SUPT3H: variants seen among roughly 807,000 people sequenced by gnomAD.
SUPT3H encodes SPT3 homolog, SAGA and STAGA complex component.
SUPT3H carries 44 observed loss-of-function variants against 44.3 expected under a neutral mutation model. The observed-to-expected ratio is 0.99, with a 90% CI of 0.78 to 1.28. The LOEUF (loss-of-function observed/expected upper bound fraction) is 1.28, where lower values mean the gene tolerates loss of function less well. Ranked by LOEUF, SUPT3H falls within the 50% of genes most tolerant of loss-of-function variation. The pLI is 0.00. For synonymous variants in SUPT3H, 124 were observed against 125.6 expected (o/e 0.99, Z 0.09); for missense variants, 380 against 387.1 (o/e 0.98, Z 0.15).
intron 3 of SUPT3H, among the ~76,000 whole-genome samples, chr6:45,046,897 T>A (rs1158464052): frequency 1.3e-5 from 2 of 152,172 alleles, no homozygotes; most frequent in African/African-American, 4.8e-5. Flanking sequence ...CTTCTTAAAC[T>A]TCATTTAGCA....
chr6:45,236,231 G>A (rs78113436), intron 2 of SUPT3H, among the ~76,000 whole-genome samples: 54 of 152,130 alleles, frequency 3.5e-4, no homozygotes, highest in South Asian at 2.3e-3. Flanking sequence ...AGCTGGTCTC[G>A]GCAAGTGGAA....
intron 6 of SUPT3H, among the ~76,000 whole-genome samples, chr6:44,962,409 G>C (rs1325610800): frequency 6.6e-6 from 1 of 152,140 alleles, no homozygotes; most frequent in Non-Finnish European, 1.5e-5. Context: ...GATGTTTACT[G>C]CTTCACTGTC....
intron 2 of SUPT3H, among the ~76,000 whole-genome samples, chr6:45,261,299 T>C (rs1584548338): frequency 6.6e-6 from 1 of 152,192 alleles, no homozygotes. Flanking sequence ...ATATCCCTGA[T>C]GAACAGAGAT....
intron 1 of SUPT3H, among the ~76,000 whole-genome samples, chr6:45,367,877 C>A (rs1271981836): frequency 6.6e-6 from 1 of 152,102 alleles, no homozygotes; most frequent in Non-Finnish European, 1.5e-5. Flanking sequence ...TAACATTTTT[C>A]TTGACATGAT....
chr6:44,973,234 T>A (rs1777848201), intron 6 of SUPT3H, among the ~76,000 whole-genome samples: 1 of 152,184 alleles, frequency 6.6e-6, no homozygotes, highest in Admixed American at 6.5e-5. Flanking sequence ...AAAAATTTCT[T>A]CTGCTATATA....
At chr6:45,083,543 A>G (rs1352116296) in intron 3 of SUPT3H, among the ~76,000 whole-genome samples, 1 of 151,976 alleles carries the variant, frequency 6.6e-6, no homozygotes. Flanking sequence ...TACAGATTCA[A>G]TGTTATTCCT....
At chr6:45,281,297 G>A (rs779240579) in intron 2 of SUPT3H, among the ~76,000 whole-genome samples, 6 of 152,342 alleles carry the variant, frequency 3.9e-5, no homozygotes, top group East Asian at 1.9e-4. Flanking sequence ...GCAAGGCATC[G>A]CATCACCCGC....
intron 2 of SUPT3H, among the ~76,000 whole-genome samples, chr6:45,127,502 A>T (rs538832886): frequency 6.6e-6 from 1 of 152,280 alleles, no homozygotes; most frequent in Non-Finnish European, 1.5e-5. Flanking sequence ...TAAGAGATTA[A>T]ATAATTTGTC....
intron 3 of SUPT3H, among the ~76,000 whole-genome samples, chr6:45,063,763 A>G (rs2153544761): frequency 7.1e-6 from 1 of 140,746 alleles, no homozygotes; most frequent in African/African-American, 2.7e-5. Flanking sequence ...TAGAGAAAAA[A>G]GAGTAAAAAG....
Position 45,291,083 on chromosome 6 carries a change from G to T in SUPT3H, c.101+74118C>A, listed in dbSNP as rs116342357. ...TGGAGACACCCCAAATACTGTGCTG[G>T]TATACACAGCTGAGAGACTCACAGA... On this transcript the variant is annotated intron_variant, in intron 2 of 10. Transcript: ENST00000371459. 9.6e-3 allele frequency among the ~76,000 whole-genome samples: 1,462 copies of T among 152,222 alleles called. 10 individuals carry two copies. Among genetic ancestry groups the T allele is most frequent in the Non-Finnish European group, 0.015 (1,019 of 68,012 alleles).
chr6:45,262,931 C>T (rs916202441), intron 2 of SUPT3H, among the ~76,000 whole-genome samples: 2 of 152,054 alleles, frequency 1.3e-5, no homozygotes, highest in Non-Finnish European at 2.9e-5. Flanking sequence ...ATCAAAACCA[C>T]AATAAGATAC....
chr6:45,026,253 C>T (rs929949048), intron 3 of SUPT3H, among the ~76,000 whole-genome samples: 3 of 152,098 alleles, frequency 2.0e-5, no homozygotes, highest in African/African-American at 7.2e-5. Flanking sequence ...CTTAAATCCT[C>T]CATGATAAGA....
chr6:45,252,589 A>G (rs1250707747), intron 2 of SUPT3H, among the ~76,000 whole-genome samples: 1 of 152,126 alleles, frequency 6.6e-6, no homozygotes, highest in Non-Finnish European at 1.5e-5. Context: ...ACACCTAAAC[A>G]TGTAAATTTG....
At chr6:44,864,544 A>C (rs1243154513) in intron 10 of SUPT3H, among the ~76,000 whole-genome samples, 1 of 152,228 alleles carries the variant, frequency 6.6e-6, no homozygotes, top group African/African-American at 2.4e-5. Flanking sequence ...AAATCTAAGC[A>C]GAGGTTCCCA....
intron 10 of SUPT3H, among the ~76,000 whole-genome samples, chr6:44,847,956 G>GTTTTTTTTTTTTT (rs1772167389): frequency 9.4e-6 from 1 of 106,798 alleles, no homozygotes; most frequent in African/African-American, 3.6e-5. Context: ...TTATCTCTGT[G>GTTTTTTTTTTTTT]TCTTTTTTTT....
chr6:45,001,489 G>A (rs1340109887), intron 6 of SUPT3H, among the ~76,000 whole-genome samples: 1 of 152,004 alleles, frequency 6.6e-6, no homozygotes, highest in Non-Finnish European at 1.5e-5. Flanking sequence ...TAATAGTAAT[G>A]AAGTAAATTA....
intron 2 of SUPT3H, among the ~76,000 whole-genome samples, chr6:45,360,340 C>G (rs1380618802): frequency 6.6e-6 from 1 of 152,168 alleles, no homozygotes; most frequent in African/African-American, 2.4e-5. Flanking sequence ...ACAGCATGTT[C>G]TATACAAGCA....
chr6:44,967,819 T>C (rs1776981786), intron 6 of SUPT3H, among the ~76,000 whole-genome samples: 1 of 152,214 alleles, frequency 6.6e-6, no homozygotes, highest in African/African-American at 2.4e-5. Flanking sequence ...AGACAGGGTC[T>C]TGCTCTGTCA....
chr6:45,172,062 A>G (rs1371235576), intron 2 of SUPT3H, among the ~76,000 whole-genome samples: 1 of 143,384 alleles, frequency 7.0e-6, no homozygotes, highest in African/African-American at 2.6e-5. Context: ...GAATATGGTC[A>G]TTTATTTATC....
Sources: allele counts gnomAD v4.1 joint callset (sites outside exome capture counted in the v4.1 genomes callset), GRCh38; gene constraint gnomAD v4.1.1; transcripts MANE v1.5; gene names NCBI Gene and HGNC (gene_info 2026-07-23, HGNC 2026-07-21).